The following PUM1 variants were observed in gnomAD, a reference collection of about 807,000 sequenced individuals.
The protein encoded by PUM1 is pumilio RNA binding family member 1, also known as pumilio homolog 1.
Under a neutral mutation model 131.8 loss-of-function variants are expected in PUM1, and 13 were observed. The observed-to-expected ratio is 0.10, with a 90% confidence interval of 0.06 to 0.16. The LOEUF (loss-of-function observed/expected upper bound fraction) is 0.16. Ranked by LOEUF, PUM1 falls within the 10% of genes least tolerant of loss-of-function variation. The pLI is 1.00. For synonymous variants in PUM1, 509 were observed against 556.5 expected, an observed-to-expected ratio of 0.91 and a Z score of 1.20; for missense variants, 961 against 1,512.4, an observed-to-expected ratio of 0.64 and a Z score of 6.05.
At position 30,950,109 on chromosome 1, in the gene PUM1, G is replaced by T. The variant is rs765595254; in HGVS notation, c.2856+18C>A. 13 of 1,608,892 alleles carry T rather than the reference G, an allele frequency of 8.1e-6. No homozygotes were observed. In the Admixed American group the frequency reaches 1.2e-4, roughly 15 times the overall value. On this transcript the variant is annotated intron_variant, in intron 17 of 21. Transcript: ENST00000426105. ...AGAAACATCAAACACCAAGAGAAAA[G>T]TTAAAGGGGAAACTTACAATTACCT...
At chr1:31,017,707 G>T (rs991130185) in intron 3 of PUM1, among the ~76,000 whole-genome samples, 1 of 152,050 alleles carries the variant, frequency 6.6e-6, no homozygotes, top group African/African-American at 2.4e-5. Flanking sequence ...AAAGCAAGTG[G>T]AGCAGGTGCC....
Position 30,941,297 on chromosome 1 carries a change from TAAAA to T in PUM1, c.3121-29_3121-26del, listed in dbSNP as rs764024851. The T allele has an allele frequency of 9.4e-6, 15 of 1,601,382 alleles. No individual in the cohort carries two copies. In the South Asian group the frequency reaches 1.6e-4, roughly 17 times the overall value. ...CCTGTTTGAGAAACAGTAAGAGAAA[TAAAA>T]TGTATGTGAAAGCCAGTTCTGCAGG... is the stretch of plus-strand genomic sequence containing the variant. On this transcript the variant is annotated intron_variant, in intron 19 of 21. Coordinates refer to ENST00000426105, the MANE Select transcript of PUM1 (RefSeq NM_001020658.2).
chr1:30,973,910 A>G (rs1190153408), intron 10 of PUM1, among the ~76,000 whole-genome samples: 1 of 152,236 alleles, frequency 6.6e-6, no homozygotes, highest in South Asian at 2.1e-4. Flanking sequence ...CAACATGGTG[A>G]AACCCCATTT....
intron 2 of PUM1, among the ~76,000 whole-genome samples, chr1:31,052,895 G>A (rs1279247958): frequency 6.6e-6 from 1 of 150,560 alleles, no homozygotes; most frequent in Non-Finnish European, 1.5e-5. Context: ...GTAGACACGG[G>A]GTTTCATCAT....
intron 2 of PUM1, among the ~76,000 whole-genome samples, chr1:31,038,984 A>ATATATATATATATATATTTT: frequency 6.1e-5 from 3 of 49,414 alleles, no homozygotes; most frequent in African/African-American, 2.1e-4. Flanking sequence ...ATATATATAT[A>ATATATATATATATATATTTT]TTTTTTTTTT....
intron 2 of PUM1, among the ~76,000 whole-genome samples, chr1:31,034,017 A>G (rs981716352): frequency 2.0e-5 from 3 of 152,224 alleles, no homozygotes; most frequent in Non-Finnish European, 4.4e-5. Flanking sequence ...ATAGAAATTC[A>G]ATTATTTGAA....
intron 2 of PUM1, among the ~76,000 whole-genome samples, chr1:31,044,496 C>G (rs1002771320): frequency 1.3e-5 from 2 of 152,100 alleles, no homozygotes; most frequent in African/African-American, 2.4e-5. Context: ...AAGGCAGTCA[C>G]AAAACATGCT....
chr1:30,977,011 A>C (rs774368253), intron 9 of PUM1, among the ~76,000 whole-genome samples: 5 of 152,180 alleles, frequency 3.3e-5, no homozygotes, highest in Non-Finnish European at 7.3e-5. Context: ...CCTTAACCAG[A>C]GTGCTTGAGA....
chr1:30,992,360 T>G (rs926219176), intron 7 of PUM1, 30 bp downstream of exon 7: 1 of 1,598,112 alleles, frequency 6.3e-7, no homozygotes, highest in Admixed American at 1.7e-5. Flanking sequence ...GGAGGGAGAG[T>G]AGAGAGGGTG....
At chr1:31,031,736 C>T (rs930646102) in intron 2 of PUM1, among the ~76,000 whole-genome samples, 1 of 152,184 alleles carries the variant, frequency 6.6e-6, no homozygotes, top group Non-Finnish European at 1.5e-5. Flanking sequence ...TTGCTTTTCA[C>T]TATCTCTTCC....
Position 31,062,384 on chromosome 1 carries a change from A to C in PUM1, c.-11-2807T>G, listed in dbSNP as rs541625734. Among the ~76,000 whole-genome samples the C allele has an allele frequency of 7.7e-4, 117 of 152,314 alleles. 1 individual carries two copies. The highest frequency in any genetic ancestry group is 1.9e-3 in the South Asian group (9 of 4,822). On this transcript the variant is annotated intron_variant, in intron 1 of 21. Transcript: ENST00000426105. ...ACGCCTGTAATCCCAGCACTTTGGG[A>C]GGCGGAGGCAGGCGCATCTCCAGGT... is the stretch of plus-strand genomic sequence containing the variant.
At chr1:31,038,892 T>A (rs887637856) in intron 2 of PUM1, among the ~76,000 whole-genome samples, 1 of 147,224 alleles carries the variant, frequency 6.8e-6, no homozygotes, top group Admixed American at 6.8e-5. Flanking sequence ...ACAGTCTAAA[T>A]ACAGCAGTAA....
At chr1:31,061,443 C>G (rs1644365402) in intron 1 of PUM1, among the ~76,000 whole-genome samples, 1 of 151,740 alleles carries the variant, frequency 6.6e-6, no homozygotes, top group Non-Finnish European at 1.5e-5. Context: ...TGGTGAAACC[C>G]CGACTCTACT....
chr1:31,065,684 C>G lies in PUM1; in HGVS notation c.-80G>C, dbSNP rs544700448. 6.2e-5 allele frequency: 96 copies of G among 1,549,808 alleles called. No individual in the cohort carries two copies. The highest frequency in any genetic ancestry group is 8.1e-5 in the Non-Finnish European group (93 of 1,146,852). On this transcript the variant is annotated 5_prime_UTR_variant, in exon 1 of 22. Coordinates refer to ENST00000426105, the MANE Select transcript of PUM1 (RefSeq NM_001020658.2). ...TCTCTCTCTGGCGCTCTCGCTCCCC[C>G]TTACCTTTCACTCCGACAACATGGC...
intron 5 of PUM1, among the ~76,000 whole-genome samples, chr1:31,001,722 T>C (rs1295898667): frequency 2.0e-5 from 3 of 152,180 alleles, no homozygotes; most frequent in Non-Finnish European, 4.4e-5. Flanking sequence ...TTTTTCCCCA[T>C]TGCCTTTTTC....
In PUM1 at chr1:30,981,385, C is replaced by A; in HGVS notation, c.1179G>T (p.Ala393=). ...SQQQLFQRPN[A]LAVQQLTAAQ... ...CAGCTGTCAACTGCTGGACAGCAAG[C>A]GCATTAGGTCTTTGGAACAGCTGAG... Residue 393 remains alanine (A), a synonymous_variant, in exon 8 of 22, where the codon GCG becomes GCT. Coordinates refer to ENST00000426105, the MANE Select transcript of PUM1 (RefSeq NM_001020658.2). The A allele has an allele frequency of 1.2e-6, 2 of 1,601,736 alleles. No homozygotes were observed. Among genetic ancestry groups the A allele is most frequent in the South Asian group, 1.1e-5 (1 of 88,610 alleles).
intron 1 of PUM1, among the ~76,000 whole-genome samples, chr1:31,064,617 G>T (rs1644439963): frequency 6.6e-6 from 1 of 151,970 alleles, no homozygotes; most frequent in Admixed American, 6.6e-5. Flanking sequence ...ATTAATCCCA[G>T]TAATAACAGG....
Position 30,933,328 on chromosome 1 carries a change from G to A in PUM1, c.3450C>T (p.Ile1150=), listed in dbSNP as rs267598544. 6.2e-6 allele frequency: 10 copies of A among 1,613,808 alleles called. No individual in the cohort carries two copies. In the East Asian group the frequency reaches 6.7e-5, roughly 11 times the overall value. Residue 1150 remains isoleucine (I), a synonymous_variant, in exon 22 of 22, where the codon ATC becomes ATT. Coordinates refer to ENST00000426105, the MANE Select transcript of PUM1 (RefSeq NM_001020658.2). ...CATAGGTGTACTTACGAAGAGTTGC[G>A]ATGTGGGGCCGGATCTGGGGAGGAA... ...KIVMHKIRPH[I]ATLRKYTYGK...
chr1:30,955,106 C>A (rs1229339929), intron 14 of PUM1, among the ~76,000 whole-genome samples: 7 of 150,608 alleles, frequency 4.6e-5, no homozygotes, highest in African/African-American at 1.5e-4. Context: ...AAAACAAAAA[C>A]AAACAAACAG....
Sources: gnomAD v4.1 joint callset for allele counts (sites outside exome capture counted in the v4.1 genomes callset) on GRCh38, gnomAD v4.1.1 for gene constraint, MANE v1.5 for transcripts, NCBI Gene and HGNC (gene_info 2026-07-23, HGNC 2026-07-21) for gene names.